Variants in BCAM observed in about 807,000 individuals in gnomAD.
BCAM encodes the protein basal cell adhesion molecule (Lutheran blood group).
Under a neutral mutation model 72.4 loss-of-function variants are expected in BCAM, and 61 were observed. The observed-to-expected ratio is 0.84, with a 90% CI of 0.69 to 1.04. The LOEUF is 1.04. BCAM is among the 50% of genes least tolerant of loss of function. The probability of loss-of-function intolerance (pLI) is 0.00; values close to 1 mark genes in which losing one functional copy is unlikely to be tolerated. For synonymous variants in BCAM, 408 were observed against 384.2 expected, an observed-to-expected ratio of 1.06 and a Z score of -0.73; for missense variants, 909 against 895.0, an observed-to-expected ratio of 1.02 and a Z score of -0.20.
intron 8 of BCAM, among the ~76,000 whole-genome samples, chr19:44,817,101 G>A (rs1189036151): frequency 2.6e-5 from 4 of 151,470 alleles, no homozygotes; most frequent in African/African-American, 9.7e-5. Flanking sequence ...GCTGGGCGTG[G>A]TGGCAGGTGC....
intron 13 of BCAM, chr19:44,819,934 C>T: frequency 9.5e-7 from 1 of 1,057,226 alleles, no homozygotes; most frequent in South Asian, 2.1e-5. Flanking sequence ...TCATCCTCAT[C>T]CCCAACTGCA....
At chr19:44,811,746 G>A (rs868123277) in intron 2 of BCAM, 29 of 305,592 alleles carry the variant, frequency 9.5e-5, no homozygotes, top group African/African-American at 4.9e-4. Flanking sequence ...TTAGCTGGGC[G>A]TGATGGCATG....
intron 1 of BCAM, among the ~76,000 whole-genome samples, chr19:44,810,630 A>G (rs143696174): frequency 1.3e-3 from 196 of 152,328 alleles, no homozygotes; most frequent in Non-Finnish European, 2.4e-3. Context: ...ACCAGGATGG[A>G]GAGAAACATT....
chr19:44,820,701 C>G lies in BCAM; in HGVS notation c.1764-4C>G, dbSNP rs200801658. ...CGCCTCCGCCCGCTGCCTCCTCCCC[C>G]CAGGCCGCCAGGGGAGCCAGGGCTG... On this transcript the variant is annotated splice_region_variant and splice_polypyrimidine_tract_variant and intron_variant, in intron 13 of 14. Transcript: ENST00000270233. 41 of 1,406,790 alleles carry G rather than the reference C, an allele frequency of 2.9e-5. No homozygotes were observed. The highest frequency in any genetic ancestry group is 2.4e-4 in the Middle Eastern group (1 of 4,180). The allele number at this position is 1,406,790 out of a possible 1,614,324, so 87.1% of individuals were successfully genotyped here.
intron 11 of BCAM, 24 bp downstream of exon 11, chr19:44,819,216 T>A: frequency 6.2e-7 from 1 of 1,613,548 alleles, no homozygotes; most frequent in Non-Finnish European, 8.5e-7. Context: ...CTCTCCACCC[T>A]GAGCCCCCTC....
Position 44,819,274 on chromosome 19 carries a change from GA to G in BCAM, c.1474-71del. Reference sequence around the variant, plus strand: ...CTCCTTTCCACTTCCTGGGAGACTGGACGTCGTTCACCTCTGCCCTTGACCC... The same window carrying G: ...CTCCTTTCCACTTCCTGGGAGACTGGCGTCGTTCACCTCTGCCCTTGACCC... On this transcript the variant is annotated intron_variant, in intron 11 of 14. Coordinates refer to ENST00000270233, the MANE Select transcript of BCAM (RefSeq NM_005581.5). 10 of 1,610,314 alleles carry G rather than the reference GA, an allele frequency of 6.2e-6. No individual in the cohort carries two copies. In the South Asian group the frequency reaches 1.1e-4, roughly 18 times the overall value.
At position 44,820,820 on chromosome 19, in the gene BCAM, G is replaced by C; in HGVS notation, c.1879G>C (p.Glu627Gln). ...ARGGSGGFGDEC is the reference protein window; with the variant it reads ...ARGGSGGFGDQC ...GGGTGGCAGCGGGGGCTTCGGAGAC[G>C]AGGTGGGTGAGGGCCTGGGCCCCCT... The change falls in exon 14 of 15, where the codon GAG becomes CAG. Residue 627 changes from glutamate to glutamine, a missense_variant and splice_region_variant. Transcript: ENST00000270233. 2 of 1,511,730 alleles carry C rather than the reference G, an allele frequency of 1.3e-6. No homozygotes were observed. Among genetic ancestry groups the C allele is most frequent in the Non-Finnish European group, 1.8e-6 (2 of 1,128,814 alleles). The allele number at this position is 1,511,730 out of a possible 1,614,324, so 93.6% of individuals were successfully genotyped here.
intron 1 of BCAM, among the ~76,000 whole-genome samples, chr19:44,810,465 C>T (rs1024380596): frequency 9.9e-5 from 15 of 152,102 alleles, no homozygotes; most frequent in African/African-American, 3.1e-4. Flanking sequence ...ACATCCATCC[C>T]GCCTAAGCTC....
At chr19:44,819,315 A>C (rs1312394643) in intron 11 of BCAM, 31 bp from the exon 12 acceptor site, 2 of 1,613,044 alleles carry the variant, frequency 1.2e-6, no homozygotes, top group South Asian at 1.1e-5. Flanking sequence ...CCTTGACCCC[A>C]CCAGCCGGGG....
Position 44,812,283 on chromosome 19 carries a change from C to T in BCAM, c.325C>T (p.Arg109Cys), listed in dbSNP as rs754743891. 51 of 1,611,160 alleles carry T rather than the reference C, an allele frequency of 3.2e-5. No individual in the cohort carries two copies. In the South Asian group the frequency reaches 3.4e-4, roughly 11 times the overall value. The change falls in exon 3 of 15, where the codon CGC becomes TGC. Residue 109 changes from arginine (R) to cysteine (C), a missense_variant. Arg to Cys is a radical substitution (Grantham distance 180, BLOSUM62 -3). Coordinates refer to ENST00000270233, the MANE Select transcript of BCAM (RefSeq NM_005581.5). This position sits in a 1 kb window ranked among gnomAD's most constrained non-coding sequence, Gnocchi z 5.3. ...CCCATACCAGCTGGACTCCCAGGGG[C>T]GCCTGGTGCTGGCTGAGGCCCAGGT... ...SPPYQLDSQG[R>C]LVLAEAQVGD...
In BCAM at chr19:44,812,949, C is replaced by T. The variant is rs79621244; in HGVS notation, c.505-301C>T. ...TGGGCCACAGAGCAATACTCCGTCTCAAAAAAAAAAAAAAAAAGAAGAAGA... is the reference window on the plus strand; with the variant it reads ...TGGGCCACAGAGCAATACTCCGTCTTAAAAAAAAAAAAAAAAAGAAGAAGA... On this transcript the variant is annotated intron_variant, in intron 4 of 14. Transcript: ENST00000270233. This position sits in a 1 kb window ranked among gnomAD's most constrained non-coding sequence, Gnocchi z 5.3. The T allele has an allele frequency of 5.1e-6, 1 of 194,186 alleles. No individual in the cohort carries two copies. 12.0% of individuals were successfully genotyped at this position (194,186 alleles called of 1,614,324 possible).
Position 44,821,085 on chromosome 19 carries a change from T to G in BCAM, c.*164T>G. ...CGGCAAGGCAGGGACCCACAGTGGCTGCCTGCCTCCGGGAGGGAAGGAGAG... is the reference window on the plus strand; with the variant it reads ...CGGCAAGGCAGGGACCCACAGTGGCGGCCTGCCTCCGGGAGGGAAGGAGAG... On this transcript the variant is annotated 3_prime_UTR_variant, in exon 15 of 15. Transcript: ENST00000270233. 33 of 485,110 alleles carry G rather than the reference T, an allele frequency of 6.8e-5. No homozygotes were observed. In the East Asian group the frequency reaches 7.3e-4, roughly 11 times the overall value. 30.1% of individuals were successfully genotyped at this position (485,110 alleles called of 1,614,324 possible).
Position 44,814,301 on chromosome 19 carries a change from AGGGTCCCTCT to A in BCAM, c.921+17_921+26del. On this transcript the variant is annotated intron_variant, in intron 7 of 14. Transcript: ENST00000270233. The surrounding 1 kb of genome is among the most constrained non-coding windows in gnomAD (Gnocchi z 4.6). ...TTTCCGCCTTCAGGTGACCCACCCA[AGGGTCCCTCT>A]GGGATCCACCCCCCAGCCCCTGACC... 1 of 1,587,958 alleles carries A rather than the reference AGGGTCCCTCT, an allele frequency of 6.3e-7. No homozygotes were observed. Among genetic ancestry groups the A allele is most frequent in the Non-Finnish European group, 8.5e-7 (1 of 1,174,090 alleles).
At chr19:44,819,908 C>T in intron 13 of BCAM, 182 bp downstream of exon 13, 44 of 1,387,120 alleles carry the variant, frequency 3.2e-5, no homozygotes, top group Non-Finnish European at 3.9e-5. Context: ...CAGACTAATC[C>T]ACAGCCATCC....
chr19:44,814,916 T>G lies in BCAM; in HGVS notation c.1078+156T>G, dbSNP rs971356396. On this transcript the variant is annotated intron_variant, in intron 8 of 14. Coordinates refer to ENST00000270233, the MANE Select transcript of BCAM (RefSeq NM_005581.5). This position sits in a 1 kb window ranked among gnomAD's most constrained non-coding sequence, Gnocchi z 4.6. ...TGGGGGTTTTTTTGGTTGTTTTTTT[T>G]TTTTTTTTTTTCCCAGAGACAGGAC... Among the ~76,000 whole-genome samples, 59 of 146,280 alleles carry G rather than the reference T, an allele frequency of 4.0e-4. No individual in the cohort carries two copies. The highest frequency in any genetic ancestry group is 1.4e-3 in the African/African-American group (55 of 38,126).
At chr19:44,819,559 C>T (rs1254376190) in intron 12 of BCAM, 23 bp from the exon 13 acceptor site, 3 of 1,612,030 alleles carry the variant, frequency 1.9e-6, no homozygotes, top group South Asian at 2.2e-5. Context: ...TGACCCACGC[C>T]TCTCTCCATC....
chr19:44,816,927 A>C (rs1968509994), intron 8 of BCAM, among the ~76,000 whole-genome samples: 2 of 149,104 alleles, frequency 1.3e-5, no homozygotes, highest in South Asian at 4.2e-4. Flanking sequence ...TGACAGAGCA[A>C]GAGTCTGTCT....
chr19:44,819,804 C>A (rs1968559046), intron 13 of BCAM, 78 bp downstream of exon 13: 5 of 1,469,328 alleles, frequency 3.4e-6, no homozygotes, highest in South Asian at 1.4e-5. Flanking sequence ...AACCCATAAC[C>A]TCAACCACAT....
At position 44,813,477 on chromosome 19, in the gene BCAM, G is replaced by A; in HGVS notation, c.641G>A (p.Gly214Asp). Residue 214 changes from glycine to aspartate, a missense_variant, in exon 6 of 15, where the codon GGC becomes GAC. Transcript: ENST00000270233. The surrounding 1 kb of genome is among the most constrained non-coding windows in gnomAD (Gnocchi z 4.2). Reference sequence around the variant, plus strand: ...AGCCGCACGGTCCGGGAGGCCTCGGGCCTGCTCTCCCTCACCAGCACCCTC... The same window carrying A: ...AGCCGCACGGTCCGGGAGGCCTCGGACCTGCTCTCCCTCACCAGCACCCTC... The part of the protein sequence containing the change: ...MTSRTVREAS[G>D]LLSLTSTLYL... 1 of 1,612,192 alleles carries A rather than the reference G, an allele frequency of 6.2e-7. No individual in the cohort carries two copies. Among genetic ancestry groups the A allele is most frequent in the Non-Finnish European group, 8.5e-7 (1 of 1,179,858 alleles).
Sources: allele counts gnomAD v4.1 joint callset (sites outside exome capture counted in the v4.1 genomes callset), GRCh38; gene constraint gnomAD v4.1.1; non-coding constraint Gnocchi (gnomAD v3.1); transcripts MANE v1.5; gene names NCBI Gene and HGNC (gene_info 2026-07-23, HGNC 2026-07-21).